CTNNA2: variants seen among roughly 807,000 people sequenced by gnomAD.
CTNNA2 encodes the protein catenin alpha 2.
In CTNNA2, 42 loss-of-function variants were observed where a neutral mutation model predicts 101.0. That is an observed-to-expected ratio of 0.42 (90% CI 0.32 to 0.54). The LOEUF (loss-of-function observed/expected upper bound fraction) is 0.54. Ranked by LOEUF, CTNNA2 falls within the 20% of genes least tolerant of loss-of-function variation. CTNNA2 has a pLI of 0.14. For synonymous variants in CTNNA2, 450 were observed against 456.4 expected, an observed-to-expected ratio of 0.99 and a Z score of 0.18; for missense variants, 871 against 1,223.1, an observed-to-expected ratio of 0.71 and a Z score of 4.29.
intron 15 of CTNNA2, among the ~76,000 whole-genome samples, chr2:80,598,462 T>TAA (rs563439736): frequency 7.0e-6 from 1 of 143,614 alleles, no homozygotes; most frequent in Non-Finnish European, 1.5e-5. Flanking sequence ...ACTTAAAGTA[T>TAA]AAAAAAAAAA....
intron 4 of CTNNA2, among the ~76,000 whole-genome samples, chr2:79,384,369 A>G (rs1386247117): frequency 4.4e-5 from 6 of 137,598 alleles, no homozygotes; most frequent in Non-Finnish European, 6.3e-5. Flanking sequence ...ATTTGAATGC[A>G]TATTTCTTCT....
rs566846581 is a variant in CTNNA2, at chr2:80,006,590, T to G, written c.1056+96793T>G. Among the ~76,000 whole-genome samples, 52 of 152,198 alleles carry G rather than the reference T, an allele frequency of 3.4e-4. 1 individual carries two copies. The highest frequency in any genetic ancestry group is 6.0e-4 in the Non-Finnish European group (41 of 68,016). On this transcript the variant is annotated intron_variant, in intron 7 of 18. Transcript: ENST00000402739. ...CACTCATACAAAAACATGGCACTAT[T>G]GGATTCAACTCCTTCTGCTTCAGCC...
At chr2:79,196,592 A>G (rs1022886010) in intron 1 of CTNNA2, among the ~76,000 whole-genome samples, 1 of 152,166 alleles carries the variant, frequency 6.6e-6, no homozygotes, top group African/African-American at 2.4e-5. Context: ...ATTTTGTACA[A>G]TTGCCCAGGG....
chr2:79,647,392 C>G (rs1208033508), intron 1 of CTNNA2, among the ~76,000 whole-genome samples: 1 of 152,160 alleles, frequency 6.6e-6, no homozygotes, highest in Admixed American at 6.5e-5. Context: ...GTTATTTAAT[C>G]CTCACAATAA....
intron 1 of CTNNA2, among the ~76,000 whole-genome samples, chr2:79,186,495 A>C (rs1384360917): frequency 6.6e-6 from 1 of 152,224 alleles, no homozygotes; most frequent in Non-Finnish European, 1.5e-5. Flanking sequence ...TTTTATTAGA[A>C]GCAATCAATG....
At chr2:79,828,820 A>G (rs539970557) in intron 3 of CTNNA2, among the ~76,000 whole-genome samples, 2 of 152,330 alleles carry the variant, frequency 1.3e-5, no homozygotes, top group South Asian at 2.1e-4. Context: ...TTCCAGACCC[A>G]TTGAAACAGA....
At chr2:79,617,145 G>A (rs868297495) in intron 1 of CTNNA2, among the ~76,000 whole-genome samples, 15 of 151,864 alleles carry the variant, frequency 9.9e-5, no homozygotes, top group Admixed American at 5.3e-4. Context: ...CTCGTGATCC[G>A]CCCACCTTGG....
chr2:79,318,185 C>CATAATGCATGCATAT (rs1453828126), intron 3 of CTNNA2, among the ~76,000 whole-genome samples: 2 of 152,068 alleles, frequency 1.3e-5, no homozygotes, highest in African/African-American at 4.8e-5. Flanking sequence ...TGCACACATA[C>CATAATGCATGCATAT]ATAATGCATG....
chr2:80,289,955 G>T (rs2149176525), intron 7 of CTNNA2, among the ~76,000 whole-genome samples: 1 of 152,204 alleles, frequency 6.6e-6, no homozygotes, highest in East Asian at 1.9e-4. Flanking sequence ...AAGGATATGG[G>T]CCTCAAAAGT....
chr2:80,458,549 A>G (rs1423262324), intron 9 of CTNNA2, among the ~76,000 whole-genome samples: 1 of 152,200 alleles, frequency 6.6e-6, no homozygotes, highest in East Asian at 1.9e-4. Flanking sequence ...TAGCAAGTTC[A>G]ATTTTCCAAT....
chr2:79,468,138 T>C (rs1009439182), intron 4 of CTNNA2, among the ~76,000 whole-genome samples: 14 of 152,060 alleles, frequency 9.2e-5, no homozygotes, highest in African/African-American at 2.9e-4. Flanking sequence ...AGACCCATCT[T>C]ACATGCAGAG....
intron 4 of CTNNA2, among the ~76,000 whole-genome samples, chr2:79,483,389 C>T (rs190913656): frequency 2.6e-5 from 4 of 152,292 alleles, no homozygotes; most frequent in African/African-American, 7.2e-5. Flanking sequence ...AAAAGGGGCA[C>T]ATCATTGCCA....
intron 9 of CTNNA2, among the ~76,000 whole-genome samples, chr2:80,465,492 C>G (rs1320879376): frequency 1.3e-5 from 2 of 152,108 alleles, no homozygotes; most frequent in African/African-American, 4.8e-5. Context: ...TTGCCAGGAA[C>G]AGGTATTTCT....
At chr2:79,807,472 C>T (rs1157504654) in intron 3 of CTNNA2, among the ~76,000 whole-genome samples, 1 of 152,050 alleles carries the variant, frequency 6.6e-6, no homozygotes, top group Admixed American at 6.6e-5. Flanking sequence ...ATTTTTTAGC[C>T]TTAAAAATAG....
intron 9 of CTNNA2, among the ~76,000 whole-genome samples, chr2:80,438,169 G>A (rs6719710): frequency 0.21 from 31,336 of 152,032 alleles, 4,454 homozygotes; most frequent in African/African-American, 0.4. Context: ...ATCTCACGGC[G>A]CCCTCGCATG....
chr2:79,342,892 C>A (rs562582067), intron 3 of CTNNA2, among the ~76,000 whole-genome samples: 2 of 152,308 alleles, frequency 1.3e-5, no homozygotes, highest in South Asian at 4.1e-4. Flanking sequence ...CAATAATACT[C>A]TTTAAGGGGC....
At chr2:79,740,990 A>G (rs1671250852) in intron 2 of CTNNA2, among the ~76,000 whole-genome samples, 1 of 152,318 alleles carries the variant, frequency 6.6e-6, no homozygotes, top group Middle Eastern at 3.4e-3. Context: ...ATGGGAAAAA[A>G]TGACACTTCA....
chr2:79,340,290 A>G (rs1677098429), intron 3 of CTNNA2: 1 of 152,220 alleles, frequency 6.6e-6, no homozygotes, highest in Non-Finnish European at 1.5e-5. Flanking sequence ...TTAATGGCTC[A>G]TAAGACTTTA....
chr2:79,958,353 GA>G (rs34367924), intron 7 of CTNNA2, among the ~76,000 whole-genome samples: 42,850 of 151,988 alleles, frequency 0.28, 6,802 homozygotes, highest in Non-Finnish European at 0.37. Context: ...GGACTTTGCA[GA>G]TGTAATTTAG....
Sources: allele counts gnomAD v4.1 joint callset (sites outside exome capture counted in the v4.1 genomes callset), GRCh38; gene constraint gnomAD v4.1.1; transcripts MANE v1.5; gene names NCBI Gene and HGNC (gene_info 2026-07-23, HGNC 2026-07-21).